The following TENM2 variants were observed in gnomAD, a reference collection of about 807,000 sequenced individuals.
TENM2 encodes the protein teneurin transmembrane protein 2, also known as teneurin-2.
Under a neutral mutation model 245.2 loss-of-function variants are expected in TENM2, and 52 were observed. The ratio of observed to expected loss-of-function variants is 0.21; its 90% CI spans 0.17 to 0.27. The LOEUF is 0.27. Ranked by LOEUF, TENM2 falls within the 10% of genes least tolerant of loss-of-function variation. The pLI is 1.00. For synonymous variants in TENM2, 1,363 were observed against 1,438.9 expected (o/e 0.95, Z 1.19); for missense variants, 3,046 against 3,666.8 (o/e 0.83, Z 4.37).
intron 7 of TENM2, among the ~76,000 whole-genome samples, chr5:168,073,078 G>T (rs191542505): frequency 1.3e-5 from 2 of 152,278 alleles, no homozygotes; most frequent in Non-Finnish European, 2.9e-5. Context: ...CTACCTGTGT[G>T]CAGCCCAAGC....
At chr5:167,574,652 G>C (rs1378830348) in intron 2 of TENM2, among the ~76,000 whole-genome samples, 1 of 152,150 alleles carries the variant, frequency 6.6e-6, no homozygotes, top group East Asian at 1.9e-4. Context: ...AAGGGATCTG[G>C]TAAATAATTA....
At chr5:168,044,600 T>G (rs1788460124) in intron 5 of TENM2, among the ~76,000 whole-genome samples, 1 of 152,074 alleles carries the variant, frequency 6.6e-6, no homozygotes, top group Admixed American at 6.5e-5. Context: ...TAAATATTGA[T>G]GGAGTGCCAT....
At chr5:167,603,947 GT>G (rs1776836530) in intron 2 of TENM2, among the ~76,000 whole-genome samples, 1 of 152,176 alleles carries the variant, frequency 6.6e-6, no homozygotes, top group African/African-American at 2.4e-5. Context: ...ATATGTCTGT[GT>G]TTTGGAGTTT....
chr5:167,728,608 TAAATA>T (rs1485756200), intron 2 of TENM2: 1 of 149,358 alleles, frequency 6.7e-6, no homozygotes, highest in Non-Finnish European at 1.5e-5. Flanking sequence ...TCAAAATAAA[TAAATA>T]AATGAATGAA....
rs372740251 is a variant in TENM2 at position 168,260,419 on chromosome 5, C to G, written c.7563+6C>G. The G allele has an allele frequency of 6.2e-7, 1 of 1,613,284 alleles. No homozygotes were observed. On this transcript the variant is annotated splice_donor_region_variant and intron_variant, in intron 28 of 28. Coordinates refer to ENST00000518659, the Ensembl canonical transcript of TENM2. ...AAGCAAGTGAGAATGGACAGGTAAG[C>G]AGAGGTTCCTGCCAAGAATCCAAAT...
At chr5:167,827,384 A>G (rs1179459487) in intron 2 of TENM2, among the ~76,000 whole-genome samples, 1 of 152,174 alleles carries the variant, frequency 6.6e-6, no homozygotes, top group Non-Finnish European at 1.5e-5. Context: ...TTAAAAAGGT[A>G]CTAGCTACTA....
rs558664574 is a variant in TENM2 at position 167,885,122 on chromosome 5, A to G, written c.712+8927A>G. 2.6e-5 allele frequency among the ~76,000 whole-genome samples: 4 copies of G among 152,238 alleles called. No homozygotes were observed. In the South Asian group the frequency reaches 6.2e-4, roughly 24 times the overall value. On this transcript the variant is annotated intron_variant, in intron 3 of 28. Transcript: ENST00000518659. ...TTTTTTGTTGATATTGTTGAGTTGTAGGAATTCTTTATATATTCTGGATAC... is the reference window on the plus strand; with the variant it reads ...TTTTTTGTTGATATTGTTGAGTTGTGGGAATTCTTTATATATTCTGGATAC...
chr5:167,806,318 T>C (rs114469504), intron 2 of TENM2, among the ~76,000 whole-genome samples: 122 of 152,292 alleles, frequency 8.0e-4, no homozygotes, highest in African/African-American at 2.5e-3. Context: ...TCATGTCATA[T>C]AACTGATTTT....
the TENM2 span, among the ~76,000 whole-genome samples, chr5:167,179,830 C>T: frequency 6.6e-6 from 1 of 152,132 alleles, no homozygotes; most frequent in South Asian, 2.1e-4. Flanking sequence ...GGTTTGGGCA[C>T]AGTCTTGGAG....
chr5:167,680,747 A>G (rs990460415), intron 2 of TENM2, among the ~76,000 whole-genome samples: 3 of 152,188 alleles, frequency 2.0e-5, no homozygotes, highest in African/African-American at 7.2e-5. Context: ...AGATAAAAAC[A>G]TCTATCTACC....
intron 2 of TENM2, among the ~76,000 whole-genome samples, chr5:167,408,907 C>A (rs565038353): frequency 6.7e-6 from 1 of 149,760 alleles, no homozygotes; most frequent in Admixed American, 6.7e-5. Flanking sequence ...GTGTTTTAGA[C>A]CTGTATGCTT....
At chr5:168,000,889 T>C (rs892807965) in intron 5 of TENM2, among the ~76,000 whole-genome samples, 10 of 152,132 alleles carry the variant, frequency 6.6e-5, no homozygotes, top group African/African-American at 2.2e-4. Context: ...TGGCACACAA[T>C]AGAAGCTCAA....
chr5:167,572,007 A>G (rs1774296871), intron 2 of TENM2, among the ~76,000 whole-genome samples: 2 of 151,778 alleles, frequency 1.3e-5, no homozygotes, highest in Non-Finnish European at 2.9e-5. Flanking sequence ...ACATCTGAGC[A>G]CTCTCTGTTC....
chr5:167,402,101 T>G (rs1032362202), intron 2 of TENM2, among the ~76,000 whole-genome samples: 2 of 152,170 alleles, frequency 1.3e-5, no homozygotes, highest in Non-Finnish European at 2.9e-5. Context: ...TGGTTTTGAA[T>G]TGAGACAGAC....
intron 2 of TENM2, among the ~76,000 whole-genome samples, chr5:167,458,644 A>G (rs545239900): frequency 6.6e-6 from 1 of 152,328 alleles, no homozygotes; most frequent in Non-Finnish European, 1.5e-5. Flanking sequence ...GAATTTTATT[A>G]GTAGTAAAAA....
In TENM2 at chr5:167,888,878, C is replaced by T. The variant is rs191748848; in HGVS notation, c.712+12683C>T. Among the ~76,000 whole-genome samples, 170 of 152,228 alleles carry T rather than the reference C, an allele frequency of 1.1e-3. 1 individual carries two copies. The highest frequency in any genetic ancestry group is 3.8e-3 in the African/African-American group (158 of 41,544). On this transcript the variant is annotated intron_variant, in intron 3 of 28. Transcript: ENST00000518659. Reference sequence around the variant, plus strand: ...CATTCTTGATACTGAAGCATTTAGGCGGTTATCACTTAAATTAATGTTTTC... The same window carrying T: ...CATTCTTGATACTGAAGCATTTAGGTGGTTATCACTTAAATTAATGTTTTC...
At chr5:167,040,132 C>T in the TENM2 span, among the ~76,000 whole-genome samples, 19 of 152,138 alleles carry the variant, frequency 1.2e-4, no homozygotes, top group Non-Finnish European at 2.1e-4. Context: ...AATCAAATCT[C>T]CTCATCTTGT....
chr5:167,834,620 C>T (rs1387771849), intron 2 of TENM2, among the ~76,000 whole-genome samples: 1 of 150,516 alleles, frequency 6.6e-6, no homozygotes, highest in Non-Finnish European at 1.5e-5. Context: ...GGCCATCTCA[C>T]AGTTGTGTCT....
chr5:167,921,873 C>CA (rs1777398518), intron 3 of TENM2, among the ~76,000 whole-genome samples: 1 of 152,116 alleles, frequency 6.6e-6, no homozygotes, highest in African/African-American at 2.4e-5. Flanking sequence ...CCCAACTTTA[C>CA]AAATACAAAG....
Sources: allele counts gnomAD v4.1 joint callset (sites outside exome capture counted in the v4.1 genomes callset), GRCh38; gene constraint gnomAD v4.1.1; transcripts MANE v1.5; gene names NCBI Gene and HGNC (gene_info 2026-07-23, HGNC 2026-07-21).